GABBR2: variants seen among roughly 807,000 people sequenced by gnomAD.
GABBR2 encodes gamma-aminobutyric acid type B receptor subunit 2.
In GABBR2, 23 loss-of-function variants were observed where a neutral mutation model predicts 105.6. The observed-to-expected ratio is 0.22, with a 90% confidence interval of 0.16 to 0.31. The LOEUF (loss-of-function observed/expected upper bound fraction) is 0.31. Among genes scored for constraint, GABBR2 ranks in the 10% least tolerant of loss-of-function variants. The probability of loss-of-function intolerance (pLI) is 1.00; values close to 1 mark genes in which losing one functional copy is unlikely to be tolerated. For synonymous variants in GABBR2, 478 were observed against 499.7 expected (o/e 0.96, Z 0.58); for missense variants, 734 against 1,245.5 (o/e 0.59, Z 6.18).
intron 1 of GABBR2, among the ~76,000 whole-genome samples, chr9:98,681,949 C>G (rs748876996): frequency 6.6e-6 from 1 of 152,166 alleles, no homozygotes; most frequent in African/African-American, 2.4e-5. Context: ...GGGCCAGATG[C>G]GATGGCTTAT....
At chr9:98,463,968 T>C (rs997491791) in intron 6 of GABBR2, among the ~76,000 whole-genome samples, 5 of 152,192 alleles carry the variant, frequency 3.3e-5, no homozygotes, top group African/African-American at 1.2e-4. Context: ...TGCAGTGGCG[T>C]GATCTTGGCT....
intron 5 of GABBR2, among the ~76,000 whole-genome samples, chr9:98,480,441 G>A (rs1267547004): frequency 6.6e-6 from 1 of 152,160 alleles, no homozygotes; most frequent in African/African-American, 2.4e-5. Context: ...CTGTAAAATG[G>A]GAAAATCATA....
At chr9:98,604,806 C>A (rs532580314) in intron 1 of GABBR2, among the ~76,000 whole-genome samples, 52 of 152,330 alleles carry the variant, frequency 3.4e-4, no homozygotes, top group African/African-American at 1.2e-3. Context: ...TTACTAATGG[C>A]AAACTGAGGC....
intron 6 of GABBR2, 55 bp downstream of exon 6, chr9:98,473,091 C>T: frequency 7.5e-7 from 1 of 1,328,770 alleles, no homozygotes; most frequent in Non-Finnish European, 1.1e-6. Flanking sequence ...TGTCATCAGA[C>T]AAGATGATCA....
chr9:98,454,322 G>C lies in GABBR2; in HGVS notation c.1000-105C>G, dbSNP rs1421494330. ...ATTCTTCAATGCCCACAGGGTGCCAGGTACAGTGCTAGATTCTACGTGCAT... is the reference window on the plus strand; with the variant it reads ...ATTCTTCAATGCCCACAGGGTGCCACGTACAGTGCTAGATTCTACGTGCAT... On this transcript the variant is annotated intron_variant, in intron 6 of 18. Transcript: ENST00000259455. This position sits in a 1 kb window ranked among gnomAD's most constrained non-coding sequence, Gnocchi z 4.6. 5 of 780,568 alleles carry C rather than the reference G, an allele frequency of 6.4e-6. No individual in the cohort carries two copies. The highest frequency in any genetic ancestry group is 1.1e-5 in the Non-Finnish European group (5 of 435,888). 48.4% of individuals were successfully genotyped at this position (780,568 alleles called of 1,614,324 possible). A position where few individuals can be genotyped will look rare whatever the true frequency, so the allele number is the denominator to read the frequency against.
intron 11 of GABBR2, among the ~76,000 whole-genome samples, chr9:98,374,144 C>G (rs1229453661): frequency 6.6e-6 from 1 of 152,192 alleles, no homozygotes. Flanking sequence ...CAGGCAAGAG[C>G]CACTGCACCT....
intron 1 of GABBR2, among the ~76,000 whole-genome samples, chr9:98,602,669 C>T (rs555414301): frequency 6.6e-6 from 1 of 152,212 alleles, no homozygotes; most frequent in East Asian, 1.9e-4. Flanking sequence ...AACAAACCTG[C>T]CCAAGCACTA....
chr9:98,298,781 A>G (rs1324878459), intron 17 of GABBR2, among the ~76,000 whole-genome samples: 1 of 152,208 alleles, frequency 6.6e-6, no homozygotes, highest in Non-Finnish European at 1.5e-5. Context: ...GTAGCTTGCA[A>G]TTCCCAAGTG....
intron 5 of GABBR2, among the ~76,000 whole-genome samples, chr9:98,478,455 G>A (rs546172858): frequency 6.6e-6 from 1 of 152,260 alleles, no homozygotes; most frequent in Admixed American, 6.5e-5. Context: ...CCCAACACAT[G>A]GACACTATAC....
At chr9:98,361,089 T>C (rs1400267000) in intron 13 of GABBR2, among the ~76,000 whole-genome samples, 1 of 152,222 alleles carries the variant, frequency 6.6e-6, no homozygotes, top group South Asian at 2.1e-4. Context: ...AACATTTCCC[T>C]GCCCTACTCA....
At chr9:98,605,275 C>T (rs1313937832) in intron 1 of GABBR2, among the ~76,000 whole-genome samples, 1 of 152,190 alleles carries the variant, frequency 6.6e-6, no homozygotes, top group Non-Finnish European at 1.5e-5. Context: ...AGCTTGGAGG[C>T]AACAAGGGGA....
At chr9:98,497,797 G>T (rs1827313814) in intron 3 of GABBR2, among the ~76,000 whole-genome samples, 1 of 152,218 alleles carries the variant, frequency 6.6e-6, no homozygotes, top group Non-Finnish European at 1.5e-5. Flanking sequence ...GTAAAATGCT[G>T]CCACTGCTGT....
chr9:98,486,668 A>G (rs921368353), intron 4 of GABBR2, among the ~76,000 whole-genome samples: 1 of 152,176 alleles, frequency 6.6e-6, no homozygotes, highest in Non-Finnish European at 1.5e-5. Context: ...TCACAATGCT[A>G]TATAAAGAGA....
intron 13 of GABBR2, among the ~76,000 whole-genome samples, chr9:98,340,920 C>T (rs1277294885): frequency 6.6e-6 from 1 of 152,228 alleles, no homozygotes; most frequent in Non-Finnish European, 1.5e-5. Context: ...TCAGAAGAAG[C>T]CAGGATGTCA....
At chr9:98,604,683 T>C (rs893213877) in intron 1 of GABBR2, among the ~76,000 whole-genome samples, 26 of 152,186 alleles carry the variant, frequency 1.7e-4, no homozygotes, top group Admixed American at 8.5e-4. Context: ...AGAATCATAA[T>C]GCTGGTGAGA....
intron 9 of GABBR2, among the ~76,000 whole-genome samples, chr9:98,393,776 T>A (rs1832237539): frequency 6.6e-6 from 1 of 152,186 alleles, no homozygotes; most frequent in African/African-American, 2.4e-5. Flanking sequence ...GAGCTGGTTA[T>A]AGAAGCTGAA....
intron 9 of GABBR2, among the ~76,000 whole-genome samples, chr9:98,391,758 G>A (rs1038872511): frequency 1.3e-5 from 2 of 152,108 alleles, no homozygotes; most frequent in African/African-American, 4.8e-5. Flanking sequence ...AAGCGAGGAG[G>A]GGTCCCTTCA....
At chr9:98,665,651 C>A (rs868129658) in intron 1 of GABBR2, among the ~76,000 whole-genome samples, 128 of 152,272 alleles carry the variant, frequency 8.4e-4, no homozygotes, top group African/African-American at 2.9e-3. Context: ...TGGAGCAAGG[C>A]CATGCCATCT....
At chr9:98,364,045 G>A (rs1330584084) in intron 12 of GABBR2, among the ~76,000 whole-genome samples, 4 of 152,088 alleles carry the variant, frequency 2.6e-5, no homozygotes, top group African/African-American at 7.2e-5. Flanking sequence ...AAACCCGAGG[G>A]GCCTTTATGT....
Sources: gnomAD v4.1 joint callset for allele counts (sites outside exome capture counted in the v4.1 genomes callset) on GRCh38, gnomAD v4.1.1 for gene constraint, Gnocchi (gnomAD v3.1) non-coding constraint, MANE v1.5 for transcripts, NCBI Gene and HGNC (gene_info 2026-07-23, HGNC 2026-07-21) for gene names.